TRIT1: variants seen among roughly 807,000 people sequenced by gnomAD.
The protein encoded by TRIT1 is tRNA isopentenyltransferase 1, also known as tRNA dimethylallyltransferase.
Under a neutral mutation model 51.2 loss-of-function variants are expected in TRIT1, and 43 were observed. The ratio of observed to expected loss-of-function variants is 0.84; its 90% CI spans 0.66 to 1.08. The LOEUF (loss-of-function observed/expected upper bound fraction) is 1.08. Ranked by LOEUF, TRIT1 falls within the 50% of genes least tolerant of loss-of-function variation. The probability of loss-of-function intolerance (pLI) is 0.00; values close to 1 mark genes in which losing one functional copy is unlikely to be tolerated. For synonymous variants in TRIT1, 184 were observed against 203.9 expected, an observed-to-expected ratio of 0.90 and a Z score of 0.83; for missense variants, 528 against 578.4, an observed-to-expected ratio of 0.91 and a Z score of 0.89.
chr1:39,853,090 C>T (rs1221725077), intron 3 of TRIT1, among the ~76,000 whole-genome samples: 1 of 152,166 alleles, frequency 6.6e-6, no homozygotes, highest in African/African-American at 2.4e-5. Context: ...AGGGAAACAC[C>T]TGGCTATTTG....
rs1641872481 is a variant in TRIT1, at chr1:39,841,123, A to G, written c.*621T>C. Reference sequence around the variant, plus strand: ...GTAACTCAATAGAAAGACAGCAGTGATAATAACTCACACATGAGCAGCTCG... The same window carrying G: ...GTAACTCAATAGAAAGACAGCAGTGGTAATAACTCACACATGAGCAGCTCG... On this transcript the variant is annotated 3_prime_UTR_variant, in exon 11 of 11. Coordinates refer to ENST00000316891, the MANE Select transcript of TRIT1 (RefSeq NM_017646.6). 6.6e-6 allele frequency: 1 copy of G among 152,226 alleles called. No individual in the cohort carries two copies. Among genetic ancestry groups the G allele is most frequent in the Non-Finnish European group, 1.5e-5 (1 of 68,046 alleles). The allele number at this position is 152,226 out of a possible 1,614,324, so 9.4% of individuals were successfully genotyped here.
At position 39,848,563 on chromosome 1, in the gene TRIT1, C is replaced by T. The variant is rs192179565; in HGVS notation, c.704-466G>A. 1.5e-3 allele frequency among the ~76,000 whole-genome samples: 226 copies of T among 150,838 alleles called. 2 individuals are homozygous for T. The highest frequency in any genetic ancestry group is 1.9e-3 in the East Asian group (10 of 5,134). ...AGATACGGCCGGGCAAGGTGGCTCACGCCTGTAATCCCAGCACTTTGGGAG... is the reference window on the plus strand; with the variant it reads ...AGATACGGCCGGGCAAGGTGGCTCATGCCTGTAATCCCAGCACTTTGGGAG... On this transcript the variant is annotated intron_variant, in intron 5 of 10. Coordinates refer to ENST00000316891, the MANE Select transcript of TRIT1 (RefSeq NM_017646.6).
rs74067804 is a variant in TRIT1 at position 39,863,754 on chromosome 1, A to G, written c.175-6337T>C. ...AGGTAAAAGAAATCTACAACAGAGAAAAAAAAAAAGAGATATGAAAAAAAA... is the reference window on the plus strand; with the variant it reads ...AGGTAAAAGAAATCTACAACAGAGAGAAAAAAAAAGAGATATGAAAAAAAA... On this transcript the variant is annotated intron_variant, in intron 1 of 10. Coordinates refer to ENST00000316891, the MANE Select transcript of TRIT1 (RefSeq NM_017646.6). Among the ~76,000 whole-genome samples the G allele has an allele frequency of 3.8e-3, 576 of 150,736 alleles. 6 individuals carry two copies. Among genetic ancestry groups the G allele is most frequent in the African/African-American group, 0.014 (559 of 41,206 alleles).
intron 2 of TRIT1, among the ~76,000 whole-genome samples, chr1:39,854,799 G>A (rs1051170151): frequency 6.6e-5 from 10 of 151,846 alleles, no homozygotes; most frequent in African/African-American, 1.2e-4. Context: ...TAGAATCTCC[G>A]TTGAACAGAT....
At chr1:39,857,960 T>A (rs1261126971) in intron 1 of TRIT1, among the ~76,000 whole-genome samples, 1 of 152,218 alleles carries the variant, frequency 6.6e-6, no homozygotes, top group East Asian at 1.9e-4. Flanking sequence ...ACTGCTGTAC[T>A]CTAGTGGAAA....
At chr1:39,843,260 G>T (rs1317477171) in intron 10 of TRIT1, among the ~76,000 whole-genome samples, 2 of 152,172 alleles carry the variant, frequency 1.3e-5, no homozygotes, top group African/African-American at 4.8e-5. Flanking sequence ...ATGCAAAACA[G>T]TACTCTGAAC....
chr1:39,847,739 C>T (rs1425143323), intron 6 of TRIT1, 79 bp from the exon 7 acceptor site: 49 of 1,601,252 alleles, frequency 3.1e-5, no homozygotes, highest in African/African-American at 5.4e-5. Context: ...CCTAGTTGAG[C>T]CATTTCATCT....
At chr1:39,879,188 G>A (rs1054562760) in intron 1 of TRIT1, among the ~76,000 whole-genome samples, 5 of 151,834 alleles carry the variant, frequency 3.3e-5, no homozygotes, top group African/African-American at 1.2e-4. Flanking sequence ...AGAATCGCTT[G>A]AACATGGGAG....
chr1:39,858,376 G>C (rs1198948252), intron 1 of TRIT1, among the ~76,000 whole-genome samples: 2 of 152,194 alleles, frequency 1.3e-5, no homozygotes, highest in South Asian at 2.1e-4. Flanking sequence ...CCACTTACTA[G>C]TTATTCGTAG....
At chr1:39,873,350 A>G (rs1018524116) in intron 1 of TRIT1, among the ~76,000 whole-genome samples, 1 of 152,332 alleles carries the variant, frequency 6.6e-6, no homozygotes, top group South Asian at 2.1e-4. Context: ...CCCAAAATCC[A>G]TAATGCCAAG....
At position 39,838,621 on chromosome 1, in the gene TRIT1, C is replaced by A. The variant is rs1178104073; in HGVS notation, c.*3123G>T. 6.6e-6 allele frequency among the ~76,000 whole-genome samples: 1 copy of A among 152,060 alleles called. No homozygotes were observed. Among genetic ancestry groups the A allele is most frequent in the African/African-American group, 2.4e-5 (1 of 41,396 alleles). On this transcript the variant is annotated 3_prime_UTR_variant, in exon 11 of 11. Transcript: ENST00000316891. ...CACGTAGCTGGGACTATAGGCATGA[C>A]CCACCATACCCGGCATGCATACATA... is the stretch of plus-strand genomic sequence containing the variant.
At chr1:39,881,836 T>A (rs1176660835) in intron 1 of TRIT1, among the ~76,000 whole-genome samples, 1 of 152,210 alleles carries the variant, frequency 6.6e-6, no homozygotes, top group Non-Finnish European at 1.5e-5. Flanking sequence ...AAATCTAGCA[T>A]CTGTAGTCTC....
chr1:39,855,996 G>A (rs1273057458), intron 2 of TRIT1, among the ~76,000 whole-genome samples: 1 of 151,646 alleles, frequency 6.6e-6, no homozygotes, highest in African/African-American at 2.4e-5. Context: ...TGTCAACATA[G>A]CAAAATCCAT....
chr1:39,878,752 ACTAT>A (rs1298661710), intron 1 of TRIT1, among the ~76,000 whole-genome samples: 1 of 152,194 alleles, frequency 6.6e-6, no homozygotes, highest in Non-Finnish European at 1.5e-5. Context: ...TCCAATAAAC[ACTAT>A]CTGTCTTTGA....
intron 1 of TRIT1, among the ~76,000 whole-genome samples, chr1:39,874,902 AGGTGAT>A (rs925283677): frequency 1.3e-5 from 2 of 151,832 alleles, no homozygotes. Flanking sequence ...TCCTGACCTC[AGGTGAT>A]CTGCCCGCCT....
intron 10 of TRIT1, among the ~76,000 whole-genome samples, chr1:39,843,066 A>G (rs189094828): frequency 2.6e-5 from 4 of 152,038 alleles, no homozygotes; most frequent in African/African-American, 7.2e-5. Context: ...ACAATCAGAC[A>G]CTCTCTTTCT....
At position 39,839,036 on chromosome 1, in the gene TRIT1, A is replaced by T. The variant is rs1419376752; in HGVS notation, c.*2708T>A. Among the ~76,000 whole-genome samples, 1 of 152,244 alleles carries T rather than the reference A, an allele frequency of 6.6e-6. No individual in the cohort carries two copies. The highest frequency in any genetic ancestry group is 1.5e-5 in the Non-Finnish European group (1 of 68,040). On this transcript the variant is annotated 3_prime_UTR_variant, in exon 11 of 11. Coordinates refer to ENST00000316891, the MANE Select transcript of TRIT1 (RefSeq NM_017646.6). ...GTACTTTCTACCCACTTACAACAGCACTGCCTGAACTGTGAGAAGTATCTA... is the reference window on the plus strand; with the variant it reads ...GTACTTTCTACCCACTTACAACAGCTCTGCCTGAACTGTGAGAAGTATCTA...
intron 4 of TRIT1, among the ~76,000 whole-genome samples, chr1:39,851,143 G>A (rs1307526366): frequency 6.6e-6 from 1 of 151,888 alleles, no homozygotes; most frequent in Non-Finnish European, 1.5e-5. Flanking sequence ...CAGTATCACT[G>A]GTTTCTCAAA....
chr1:39,872,681 T>C lies in TRIT1; in HGVS notation c.174+10637A>G, dbSNP rs1403672572. Reference sequence around the variant, plus strand: ...GTGTGTATATATAGATTAATATACATACATACATTTCCTAGCTCTTTCCAC... The same window carrying C: ...GTGTGTATATATAGATTAATATACACACATACATTTCCTAGCTCTTTCCAC... On this transcript the variant is annotated intron_variant, in intron 1 of 10. Coordinates refer to ENST00000316891, the MANE Select transcript of TRIT1 (RefSeq NM_017646.6). Among the ~76,000 whole-genome samples, 4 of 151,578 alleles carry C rather than the reference T, an allele frequency of 2.6e-5. No homozygotes were observed. In the East Asian group the frequency reaches 5.8e-4, roughly 22 times the overall value.
Sources: gnomAD v4.1 joint callset for allele counts (sites outside exome capture counted in the v4.1 genomes callset) on GRCh38, gnomAD v4.1.1 for gene constraint, MANE v1.5 for transcripts, NCBI Gene and HGNC (gene_info 2026-07-23, HGNC 2026-07-21) for gene names.